The following ROBO2 variants were observed in gnomAD, a reference collection of about 807,000 sequenced individuals.
ROBO2 encodes the protein roundabout homolog 2.
ROBO2 carries 53 observed loss-of-function variants against 160.8 expected under a neutral mutation model. The ratio of observed to expected loss-of-function variants is 0.33; its 90% confidence interval spans 0.26 to 0.41. The LOEUF is 0.41. Ranked by LOEUF, ROBO2 falls within the 10% of genes least tolerant of loss-of-function variation. The probability of loss-of-function intolerance (pLI) is 1.00; values close to 1 mark genes in which losing one functional copy is unlikely to be tolerated. For missense variants in ROBO2, 1,577 were observed against 1,722.4 expected, an observed-to-expected ratio of 0.92 and a Z score of 1.49; for synonymous variants, 664 against 611.7, an observed-to-expected ratio of 1.09 and a Z score of -1.26.
At chr3:76,284,374 G>C (rs1006581607) in intron 2 of ROBO2, among the ~76,000 whole-genome samples, 2 of 151,434 alleles carry the variant, frequency 1.3e-5, no homozygotes, top group African/African-American at 4.9e-5. Context: ...CGTTCCTTTA[G>C]AGTACAGAGC....
At chr3:76,078,115 C>T (rs2068701411) in intron 2 of ROBO2, among the ~76,000 whole-genome samples, 1 of 152,136 alleles carries the variant, frequency 6.6e-6, no homozygotes, top group Non-Finnish European at 1.5e-5. Flanking sequence ...AAAATCAATG[C>T]AACATTCATA....
intron 2 of ROBO2, among the ~76,000 whole-genome samples, chr3:76,134,276 T>C (rs889790106): frequency 9.9e-5 from 15 of 151,286 alleles, no homozygotes; most frequent in East Asian, 9.8e-4. Flanking sequence ...TACTTTTTTT[T>C]TCTCTCTCTC....
intron 2 of ROBO2, among the ~76,000 whole-genome samples, chr3:76,098,198 C>G (rs2108143396): frequency 6.6e-6 from 1 of 152,234 alleles, no homozygotes; most frequent in East Asian, 1.9e-4. Context: ...TTTAAAGCAA[C>G]TGTTTTGCCA....
At chr3:76,253,474 A>G (rs976191808) in intron 2 of ROBO2, among the ~76,000 whole-genome samples, 6 of 151,282 alleles carry the variant, frequency 4.0e-5, no homozygotes, top group Non-Finnish European at 7.4e-5. Context: ...AGATCTTGCT[A>G]TGTTGCTCAG....
intron 2 of ROBO2, among the ~76,000 whole-genome samples, chr3:77,284,973 C>A (rs879667457): frequency 6.6e-6 from 1 of 152,028 alleles, no homozygotes; most frequent in Non-Finnish European, 1.5e-5. Flanking sequence ...GCTTTTGTGT[C>A]GAGTGTTGCC....
intron 2 of ROBO2, among the ~76,000 whole-genome samples, chr3:77,275,805 T>C (rs903562131): frequency 4.6e-5 from 7 of 152,170 alleles, no homozygotes; most frequent in Non-Finnish European, 8.8e-5. Flanking sequence ...TGATACCAAA[T>C]ATATCCTAAA....
At chr3:76,909,176 G>A (rs1248136028) in intron 2 of ROBO2, among the ~76,000 whole-genome samples, 1 of 152,168 alleles carries the variant, frequency 6.6e-6, no homozygotes, top group African/African-American at 2.4e-5. Flanking sequence ...GCAGTGAGCT[G>A]CGATCAAATC....
At chr3:76,820,110 G>A (rs915332265) in intron 2 of ROBO2, among the ~76,000 whole-genome samples, 1 of 152,002 alleles carries the variant, frequency 6.6e-6, no homozygotes, top group Non-Finnish European at 1.5e-5. Flanking sequence ...ATTGAAAAAG[G>A]CCTGTTAATC....
intron 2 of ROBO2, among the ~76,000 whole-genome samples, chr3:76,014,798 C>T (rs1410329361): frequency 6.6e-6 from 1 of 152,130 alleles, no homozygotes; most frequent in African/African-American, 2.4e-5. Context: ...TGCAGTGGCA[C>T]GTGCGTGTAG....
At chr3:77,118,885 T>C (rs2074460379) in intron 2 of ROBO2, among the ~76,000 whole-genome samples, 1 of 152,160 alleles carries the variant, frequency 6.6e-6, no homozygotes, top group Admixed American at 6.5e-5. Context: ...CCTATAAACC[T>C]GTACAGCATG....
intron 2 of ROBO2, among the ~76,000 whole-genome samples, chr3:77,458,986 T>A (rs1396634004): frequency 1.3e-5 from 2 of 152,188 alleles, no homozygotes; most frequent in Non-Finnish European, 1.5e-5. Context: ...AGGGTCATTG[T>A]GAGTATTCAA....
At chr3:77,212,187 T>C (rs1238865413) in intron 2 of ROBO2, among the ~76,000 whole-genome samples, 1 of 152,194 alleles carries the variant, frequency 6.6e-6, no homozygotes, top group African/African-American at 2.4e-5. Context: ...TTTCACGACA[T>C]TGATTCTTCC....
chr3:77,283,612 T>C (rs1322625307), intron 2 of ROBO2, among the ~76,000 whole-genome samples: 10 of 152,172 alleles, frequency 6.6e-5, no homozygotes, highest in Non-Finnish European at 1.5e-4. Flanking sequence ...TATTTGAGGC[T>C]TTTGAACATA....
At chr3:76,979,564 G>A (rs1425411003) in intron 2 of ROBO2, among the ~76,000 whole-genome samples, 1 of 151,764 alleles carries the variant, frequency 6.6e-6, no homozygotes, top group Non-Finnish European at 1.5e-5. Flanking sequence ...CTTTATTGCT[G>A]AATGGTATTG....
intron 2 of ROBO2, among the ~76,000 whole-genome samples, chr3:76,270,291 T>C (rs1222901998): frequency 2.0e-5 from 3 of 152,066 alleles, no homozygotes; most frequent in African/African-American, 7.2e-5. Flanking sequence ...CCTAGAACTG[T>C]GGGTTCTCTT....
intron 2 of ROBO2, among the ~76,000 whole-genome samples, chr3:76,854,295 T>C (rs1431605561): frequency 6.6e-6 from 1 of 152,146 alleles, no homozygotes; most frequent in Non-Finnish European, 1.5e-5. Context: ...TTCAGTAATG[T>C]GCTGTTATAA....
In ROBO2 at chr3:76,254,990, G is replaced by T. The variant is rs1032470096; in HGVS notation, c.109+317388G>T. ...AAAAAAAGAGAACTTGGTAATTGAT[G>T]AACTATTGAAGCAAGATAAATGGAA... is the stretch of plus-strand genomic sequence containing the variant. On this transcript the variant is annotated intron_variant, in intron 2 of 26. Coordinates refer to the ROBO2 transcript ENST00000487694. Among the ~76,000 whole-genome samples, 130 of 151,988 alleles carry T rather than the reference G, an allele frequency of 8.6e-4. 1 individual carries two copies. Among genetic ancestry groups the T allele is most frequent in the African/African-American group, 2.9e-3 (122 of 41,388 alleles).
At chr3:76,325,845 A>G (rs1559767400) in intron 2 of ROBO2, among the ~76,000 whole-genome samples, 1 of 152,178 alleles carries the variant, frequency 6.6e-6, no homozygotes, top group Non-Finnish European at 1.5e-5. Context: ...ACAAAAAGGA[A>G]CGACATAAGC....
At chr3:76,365,354 C>A (rs902333025) in intron 2 of ROBO2, among the ~76,000 whole-genome samples, 22 of 152,076 alleles carry the variant, frequency 1.4e-4, no homozygotes, top group Non-Finnish European at 2.6e-4. Flanking sequence ...TACTTGTCCT[C>A]TTTCCTCTGA....
Sources: gnomAD v4.1 joint callset for allele counts (sites outside exome capture counted in the v4.1 genomes callset) on GRCh38, gnomAD v4.1.1 for gene constraint, MANE v1.5 for transcripts, NCBI Gene and HGNC (gene_info 2026-07-23, HGNC 2026-07-21) for gene names.